Variants in IBTK observed in about 807,000 individuals in gnomAD.
IBTK encodes the protein BTK-binding protein.
IBTK carries 83 observed loss-of-function variants against 154.9 expected under a neutral mutation model. The observed-to-expected ratio is 0.54, with a 90% CI of 0.45 to 0.64. The LOEUF (loss-of-function observed/expected upper bound fraction) is 0.64. Among genes scored for constraint, IBTK ranks in the 30% least tolerant of loss-of-function variants. The pLI, the probability that IBTK is intolerant of heterozygous loss-of-function variation, is 0.00. For missense variants in IBTK, 1,332 were observed against 1,584.6 expected (o/e 0.84, Z 2.71); for synonymous variants, 515 against 536.1 (o/e 0.96, Z 0.54).
At position 82,202,662 on chromosome 6, in the gene IBTK, G is replaced by A. The variant is rs1245753419; in HGVS notation, c.2612-17C>T. The A allele has an allele frequency of 7.0e-7, 1 of 1,431,858 alleles. No homozygotes were observed. Among genetic ancestry groups the A allele is most frequent in the African/African-American group, 1.4e-5 (1 of 68,986 alleles). The allele number at this position is 1,431,858 out of a possible 1,614,324, so 88.7% of individuals were successfully genotyped here. ...TCAGGGTAACTACAAAGAAAGAAAA[G>A]ATTTGCAAAATTAGATAAAAGGCAC... On this transcript the variant is annotated splice_polypyrimidine_tract_variant and intron_variant, in intron 17 of 28. Coordinates refer to ENST00000306270, the MANE Select transcript of IBTK (RefSeq NM_015525.4).
chr6:82,176,724 A>G (rs899042920), intron 26 of IBTK, among the ~76,000 whole-genome samples: 17 of 152,042 alleles, frequency 1.1e-4, no homozygotes, highest in African/African-American at 4.1e-4. Flanking sequence ...TTCTTGCCCT[A>G]ACCTTGGAAA....
chr6:82,247,410 C>A (rs1001119646), intron 1 of IBTK, among the ~76,000 whole-genome samples, 152 bp downstream of exon 1: 6 of 152,232 alleles, frequency 3.9e-5, no homozygotes, highest in Non-Finnish European at 8.8e-5. Context: ...CGAAGCCCGG[C>A]AGCCTCGGGG....
At chr6:82,224,264 C>A (rs1770213640) in intron 6 of IBTK, 79 bp from the exon 7 acceptor site, 4 of 986,008 alleles carry the variant, frequency 4.1e-6, no homozygotes, top group South Asian at 1.3e-5. Context: ...AGCAGACCAG[C>A]AAATATATGG....
chr6:82,200,763 T>G (rs1255813108), intron 19 of IBTK, 55 bp from the exon 20 acceptor site: 78 of 1,439,086 alleles, frequency 5.4e-5, no homozygotes, highest in African/African-American at 6.4e-5. Context: ...GTTTTTTTTT[T>G]TTTTTTTTTT....
chr6:82,214,783 ACTCTTC>A lies in IBTK; in HGVS notation c.1642_1647del (p.Glu548_Glu549del). On this transcript the variant is annotated inframe_deletion, in exon 12 of 29. Coordinates refer to ENST00000306270, the MANE Select transcript of IBTK (RefSeq NM_015525.4). ...TCTGCTTCCCTCAACAGTTTGCCAA[ACTCTTC>A]AAAAAAGGATGATGAGGACACAGCT... The A allele has an allele frequency of 1.2e-6, 2 of 1,611,060 alleles. No homozygotes were observed. Among genetic ancestry groups the A allele is most frequent in the South Asian group, 2.2e-5 (2 of 90,742 alleles).
chr6:82,200,789 C>CGTG, intron 19 of IBTK, 81 bp from the exon 20 acceptor site: 2 of 1,315,740 alleles, frequency 1.5e-6, no homozygotes, highest in Non-Finnish European at 1.9e-6. Flanking sequence ...TTTGTGCACA[C>CGTG]GTGGCTCTTG....
intron 1 of IBTK, 21 bp downstream of exon 1, chr6:82,247,541 C>CAGCG: frequency 2.5e-6 from 1 of 398,962 alleles, no homozygotes; most frequent in Non-Finnish European, 4.4e-6. Context: ...CACGGTCGGG[C>CAGCG]AGCGCCAAGC....
chr6:82,223,360 C>T (rs575390464), intron 8 of IBTK, 80 bp downstream of exon 8: 2 of 1,147,734 alleles, frequency 1.7e-6, no homozygotes, highest in Admixed American at 5.0e-5. Context: ...TAGAACATAG[C>T]ATAAAGCTAA....
chr6:82,190,515 A>G (rs1310436871), intron 25 of IBTK, among the ~76,000 whole-genome samples: 1 of 152,166 alleles, frequency 6.6e-6, no homozygotes, highest in South Asian at 2.1e-4. Flanking sequence ...ACCTCTTTGG[A>G]GGTTATTCCA....
intron 8 of IBTK, among the ~76,000 whole-genome samples, chr6:82,221,016 T>C (rs1770080957): frequency 6.8e-6 from 1 of 147,868 alleles, no homozygotes; most frequent in Non-Finnish European, 1.5e-5. Flanking sequence ...AATTCAAACA[T>C]TCACTCTGGA....
intron 3 of IBTK, among the ~76,000 whole-genome samples, chr6:82,233,062 G>A (rs532737067): frequency 2.0e-5 from 3 of 151,186 alleles, no homozygotes; most frequent in Admixed American, 1.3e-4. Flanking sequence ...TGAGAGAAGA[G>A]AGCCTCTCAG....
chr6:82,189,526 A>G (rs1437802296), intron 25 of IBTK, among the ~76,000 whole-genome samples: 1 of 152,174 alleles, frequency 6.6e-6, no homozygotes, highest in Admixed American at 6.5e-5. Flanking sequence ...CATCAAAACA[A>G]GGAGTGTATC....
chr6:82,218,394 A>T (rs1028627005), intron 9 of IBTK, among the ~76,000 whole-genome samples: 4 of 152,226 alleles, frequency 2.6e-5, no homozygotes, highest in Non-Finnish European at 5.9e-5. Context: ...CTTAAGAAGT[A>T]GCAATTTCCA....
rs983347176 is a variant in IBTK, at chr6:82,192,181, AC to A, written c.3339-303del. On this transcript the variant is annotated intron_variant, in intron 23 of 28. Coordinates refer to ENST00000306270, the MANE Select transcript of IBTK (RefSeq NM_015525.4). Reference sequence around the variant, plus strand: ...AACTGAAATTCCTATATTTAAAAAAACATTTTTTAAAAAAAGTGAAGCAATA... The same window carrying A: ...AACTGAAATTCCTATATTTAAAAAAAATTTTTTAAAAAAAGTGAAGCAATA... 7.9e-5 allele frequency among the ~76,000 whole-genome samples: 12 copies of A among 152,284 alleles called. No homozygotes were observed. The South Asian group carries it at 2.3e-3, about 29-fold the overall frequency.
intron 9 of IBTK, 112 bp from the exon 10 acceptor site, chr6:82,218,249 T>C (rs1769944536): frequency 1.6e-6 from 1 of 621,740 alleles, no homozygotes; most frequent in African/African-American, 1.9e-5. Flanking sequence ...CTCTCATTAG[T>C]ATGTTTCAAT....
chr6:82,210,751 G>C (rs182912282), intron 16 of IBTK, 63 bp downstream of exon 16: 1 of 639,214 alleles, frequency 1.6e-6, no homozygotes, highest in Non-Finnish European at 2.6e-6. Context: ...TAAGATTCAC[G>C]TTGATTTTAC....
At chr6:82,246,441 C>CTCTTTT (rs780889890) in intron 1 of IBTK, among the ~76,000 whole-genome samples, 31 of 111,680 alleles carry the variant, frequency 2.8e-4, no homozygotes, top group Non-Finnish European at 3.8e-4. Flanking sequence ...TTACAGGCAT[C>CTCTTTT]TTTTTTTTTT....
intron 23 of IBTK, among the ~76,000 whole-genome samples, chr6:82,193,926 C>G (rs1212943778): frequency 6.6e-6 from 1 of 152,110 alleles, no homozygotes; most frequent in Non-Finnish European, 1.5e-5. Context: ...AGGTAATCCA[C>G]CCACCTCAGC....
At chr6:82,198,588 C>A (rs996304240) in intron 21 of IBTK, among the ~76,000 whole-genome samples, 1 of 152,064 alleles carries the variant, frequency 6.6e-6, no homozygotes, top group Non-Finnish European at 1.5e-5. Context: ...CTTTGCCCTG[C>A]CTAACAAGCT....
Sources: allele counts gnomAD v4.1 joint callset (sites outside exome capture counted in the v4.1 genomes callset), GRCh38; gene constraint gnomAD v4.1.1; transcripts MANE v1.5; gene names NCBI Gene and HGNC (gene_info 2026-07-23, HGNC 2026-07-21).